Variants in RORB observed in about 807,000 individuals in gnomAD.
The protein encoded by RORB is RAR related orphan receptor B, also known as nuclear receptor ROR-beta.
In RORB, 6 loss-of-function variants were observed where a neutral mutation model predicts 59.1. That is an observed-to-expected ratio of 0.10 (90% confidence interval 0.06 to 0.20). The LOEUF (loss-of-function observed/expected upper bound fraction) is 0.20. Among genes scored for constraint, RORB ranks in the 10% least tolerant of loss-of-function variants. The probability of loss-of-function intolerance (pLI) is 1.00; values close to 1 mark genes in which losing one functional copy is unlikely to be tolerated. For missense variants in RORB, 320 were observed against 560.5 expected (o/e 0.57, Z 4.33); for synonymous variants, 215 against 204.5 (o/e 1.05, Z -0.44).
At chr9:74,594,100 T>A (rs999745625) in intron 1 of RORB, among the ~76,000 whole-genome samples, 2 of 152,232 alleles carry the variant, frequency 1.3e-5, no homozygotes, top group Non-Finnish European at 2.9e-5. Context: ...GCTCCATCTA[T>A]AAAATTCTGG....
At chr9:74,584,671 T>C (rs1004932706) in intron 1 of RORB, among the ~76,000 whole-genome samples, 4 of 152,176 alleles carry the variant, frequency 2.6e-5, no homozygotes. Context: ...AAGCCATTAA[T>C]GGAACACACC....
chr9:74,551,816 T>C (rs1826613040), intron 1 of RORB, among the ~76,000 whole-genome samples: 1 of 152,206 alleles, frequency 6.6e-6, no homozygotes, highest in South Asian at 2.1e-4. Context: ...ATTCGTTTGA[T>C]TTTCAAAAGT....
chr9:74,583,455 T>G (rs995922403), intron 1 of RORB, among the ~76,000 whole-genome samples: 1 of 151,958 alleles, frequency 6.6e-6, no homozygotes, highest in African/African-American at 2.4e-5. Context: ...TATCCTGAAT[T>G]TGGGTTACTA....
In RORB at chr9:74,634,682, C is replaced by A. The variant is rs1823673881; in HGVS notation, c.145C>A (p.Gln49Lys). The change falls in exon 3 of 10, where the codon CAG (glutamine) becomes AAG (lysine). Residue 49 changes from glutamine to lysine, a missense_variant. This residue lies in a region of RORB where 37 missense variants were observed against 116.4 expected (regional missense o/e 0.32). Coordinates refer to ENST00000376896, the MANE Select transcript of RORB (RefSeq NM_006914.4). ...CAATGCTTCTTATTCCTGCCCAAGGCAGAGAAACTGTTTAATTGACAGAAC... is the reference window on the plus strand; with the variant it reads ...CAATGCTTCTTATTCCTGCCCAAGGAAGAGAAACTGTTTAATTGACAGAAC... ...QNNASYSCPR[Q>K]RNCLIDRTNR... 6.2e-7 allele frequency: 1 copy of A among 1,613,548 alleles called. No homozygotes were observed. Among genetic ancestry groups the A allele is most frequent in the Non-Finnish European group, 8.5e-7 (1 of 1,179,654 alleles).
intron 3 of RORB, 58 bp from the exon 4 acceptor site, chr9:74,642,356 G>A (rs1398237460): frequency 1.1e-5 from 17 of 1,517,124 alleles, no homozygotes; most frequent in Non-Finnish European, 1.5e-5. Context: ...TTGTACCTGA[G>A]GTGGTTAACG....
chr9:74,614,656 C>A (rs993321190), intron 1 of RORB, among the ~76,000 whole-genome samples: 10 of 151,942 alleles, frequency 6.6e-5, no homozygotes, highest in African/African-American at 1.9e-4. Flanking sequence ...CAAGAGCTTT[C>A]AAAGGTGGTA....
At chr9:74,672,720 A>T (rs1824369220) in intron 9 of RORB, among the ~76,000 whole-genome samples, 1 of 152,322 alleles carries the variant, frequency 6.6e-6, no homozygotes, top group African/African-American at 2.4e-5. Context: ...TTTCTCAAGA[A>T]CTGAAATTTT....
chr9:74,503,610 A>G lies in RORB; in HGVS notation c.7+5627A>G, dbSNP rs116435966. On this transcript the variant is annotated intron_variant, in intron 1 of 9. Transcript: ENST00000376896. ...ACACAAAACTCCATTATACTACCTAATGATAATTAGAGGGAAAGGGAATCA... is the reference window on the plus strand; with the variant it reads ...ACACAAAACTCCATTATACTACCTAGTGATAATTAGAGGGAAAGGGAATCA... Among the ~76,000 whole-genome samples, 1,108 of 152,188 alleles carry G rather than the reference A, an allele frequency of 7.3e-3. 5 individuals are homozygous for G. The highest frequency in any genetic ancestry group is 0.021 in the African/African-American group (865 of 41,576).
chr9:74,513,024 T>C (rs1264954306), intron 1 of RORB, among the ~76,000 whole-genome samples: 1 of 152,148 alleles, frequency 6.6e-6, no homozygotes, highest in Non-Finnish European at 1.5e-5. Flanking sequence ...TTCAATGAAA[T>C]TGAAGGAAGA....
intron 4 of RORB, among the ~76,000 whole-genome samples, chr9:74,644,421 T>A (rs998162481): frequency 2.0e-5 from 3 of 152,310 alleles, no homozygotes; most frequent in Admixed American, 2.0e-4. Flanking sequence ...AAAAGATAAA[T>A]TAAAATAGTA....
chr9:74,634,708 G>A lies in RORB; in HGVS notation c.171G>A (p.Thr57=), dbSNP rs756261740. ...AGAGAAACTGTTTAATTGACAGAAC[G>A]AACAGAAACCGTTGCCAACACTGCC... ...PRQRNCLIDR[T]NRNRCQHCRL... The change falls in exon 3 of 10, where the codon ACG becomes ACA. Residue 57 remains threonine, a synonymous_variant. Coordinates refer to ENST00000376896, the MANE Select transcript of RORB (RefSeq NM_006914.4). 1.9e-6 allele frequency: 3 copies of A among 1,613,642 alleles called. No homozygotes were observed. In the African/African-American group the frequency reaches 4.0e-5, roughly 22 times the overall value.
chr9:74,653,517 G>T (rs957563486), intron 4 of RORB, among the ~76,000 whole-genome samples: 2 of 151,734 alleles, frequency 1.3e-5, no homozygotes, highest in African/African-American at 2.4e-5. Flanking sequence ...TCACCAAGAA[G>T]AAACCATTCT....
intron 1 of RORB, among the ~76,000 whole-genome samples, chr9:74,544,284 A>G (rs1826456286): frequency 6.6e-6 from 1 of 152,164 alleles, no homozygotes; most frequent in East Asian, 1.9e-4. Flanking sequence ...GAAAAGGCAA[A>G]GTAAAGCAAG....
chr9:74,528,445 A>G (rs1175550985), intron 1 of RORB, among the ~76,000 whole-genome samples: 3 of 151,956 alleles, frequency 2.0e-5, no homozygotes, highest in Non-Finnish European at 4.4e-5. Context: ...GCGGTGGGAA[A>G]AGCAGCAGCT....
intron 4 of RORB, among the ~76,000 whole-genome samples, chr9:74,652,503 A>T (rs1824010389): frequency 6.6e-6 from 1 of 152,216 alleles, no homozygotes; most frequent in African/African-American, 2.4e-5. Context: ...CCCAGCTATT[A>T]CTATTACTTG....
chr9:74,654,979 A>G (rs1420789434), intron 4 of RORB, among the ~76,000 whole-genome samples: 1 of 152,224 alleles, frequency 6.6e-6, no homozygotes, highest in Non-Finnish European at 1.5e-5. Flanking sequence ...TTAACCTGCA[A>G]TACACACCCA....
At chr9:74,520,876 T>C (rs1314629144) in intron 1 of RORB, among the ~76,000 whole-genome samples, 2 of 151,870 alleles carry the variant, frequency 1.3e-5, no homozygotes, top group Admixed American at 1.3e-4. Context: ...CTCCACACTA[T>C]TGCAGGCCTG....
At chr9:74,602,451 T>C (rs1383859056) in intron 1 of RORB, among the ~76,000 whole-genome samples, 1 of 152,212 alleles carries the variant, frequency 6.6e-6, no homozygotes, top group Non-Finnish European at 1.5e-5. Context: ...ATTTTGATAG[T>C]GAGGAAAGGA....
rs369769609 is a variant in RORB at position 74,599,631 on chromosome 9, T to C, written c.8-30651T>C. Among the ~76,000 whole-genome samples the C allele has an allele frequency of 6.6e-5, 10 of 152,210 alleles. No individual in the cohort carries two copies. In the East Asian group the frequency reaches 1.7e-3, roughly 26 times the overall value. On this transcript the variant is annotated intron_variant, in intron 1 of 9. Transcript: ENST00000376896. The stretch of plus-strand genomic sequence containing the variant: ...AAAATGTTTACAAAACTTTTAAAAA[T>C]ATAATATTTCAATATTCCAACCACA...
Sources: gnomAD v4.1 joint callset for allele counts (sites outside exome capture counted in the v4.1 genomes callset) on GRCh38, gnomAD v4.1.1 for gene constraint, gnomAD v4.1.1 regional missense constraint, MANE v1.5 for transcripts, NCBI Gene and HGNC (gene_info 2026-07-23, HGNC 2026-07-21) for gene names.